The following ARL14EP variants were observed in gnomAD, a reference collection of about 807,000 sequenced individuals.
The protein encoded by ARL14EP is ARL14 effector protein.
In ARL14EP, 12 loss-of-function variants were observed where a neutral mutation model predicts 23.1. The observed-to-expected ratio is 0.52, with a 90% CI of 0.33 to 0.84. ARL14EP has a LOEUF of 0.84. ARL14EP is among the 40% of genes least tolerant of loss of function. ARL14EP has a pLI of 0.02. For missense variants in ARL14EP, 253 were observed against 307.3 expected (o/e 0.82, Z 1.32); for synonymous variants, 97 against 102.0 (o/e 0.95, Z 0.29).
chr11:30,327,836 C>T (rs1192937909), intron 1 of ARL14EP, among the ~76,000 whole-genome samples: 2 of 149,190 alleles, frequency 1.3e-5, no homozygotes, highest in Non-Finnish European at 1.5e-5. Context: ...TTTAGCCAGG[C>T]GTGGTGGCGG....
chr11:30,329,237 T>C (rs1947264185), intron 1 of ARL14EP: 1 of 151,344 alleles, frequency 6.6e-6, no homozygotes, highest in Admixed American at 6.6e-5. Context: ...TACAACTTTT[T>C]TCACTTAAGA....
chr11:30,336,639 T>C lies in ARL14EP; in HGVS notation c.627T>C (p.Cys209=). ...TGATTTTTAGTGGGATGGACCTCTG[T>C]GACTGCCTGGATGAAGACTGCTTAG... ...GLLIFSGMDL[C]DCLDEDCLGC... Residue 209 remains cysteine, a synonymous_variant, in exon 4 of 4, where the codon TGT becomes TGC. Coordinates refer to ENST00000282032, the MANE Select transcript of ARL14EP (RefSeq NM_152316.3). The C allele has an allele frequency of 1.2e-6, 2 of 1,614,178 alleles. No individual in the cohort carries two copies. The highest frequency in any genetic ancestry group is 1.7e-6 in the Non-Finnish European group (2 of 1,180,010).
Position 30,332,863 on chromosome 11 carries a change from C to A in ARL14EP, c.427-3C>A. 1 of 1,612,674 alleles carries A rather than the reference C, an allele frequency of 6.2e-7. No individual in the cohort carries two copies. Among genetic ancestry groups the A allele is most frequent in the Non-Finnish European group, 8.5e-7 (1 of 1,179,108 alleles). On this transcript the variant is annotated splice_region_variant and splice_polypyrimidine_tract_variant and intron_variant, in intron 2 of 3. Coordinates refer to ENST00000282032, the MANE Select transcript of ARL14EP (RefSeq NM_152316.3). Reference sequence around the variant, plus strand: ...AGTTGATAATTTGTTTACCTTTCTTCAGGGAAGAACTGCTAAAGCTTTGAG... The same window carrying A: ...AGTTGATAATTTGTTTACCTTTCTTAAGGGAAGAACTGCTAAAGCTTTGAG...
At chr11:30,335,776 ATG>A (rs10601449) in intron 3 of ARL14EP, among the ~76,000 whole-genome samples, 77,670 of 146,790 alleles carry the variant, frequency 0.53, 20,512 homozygotes, top group East Asian at 0.8. Flanking sequence ...ATATATATAT[ATG>A]TGTGTGTGTG....
At position 30,337,563 on chromosome 11, in the gene ARL14EP, G is replaced by A. The variant is rs1397145904; in HGVS notation, c.*768G>A. 9 of 151,944 alleles carry A rather than the reference G, an allele frequency of 5.9e-5. No individual in the cohort carries two copies. Among genetic ancestry groups the A allele is most frequent in the African/African-American group, 1.5e-4 (6 of 41,358 alleles). 9.4% of individuals were successfully genotyped at this position (151,944 alleles called of 1,614,324 possible). A position where few individuals can be genotyped will look rare whatever the true frequency, so the allele number is the denominator to read the frequency against. On this transcript the variant is annotated 3_prime_UTR_variant, in exon 4 of 4. Coordinates refer to ENST00000282032, the MANE Select transcript of ARL14EP (RefSeq NM_152316.3). ...TGTGTATTCATAGGAGCTTAGTGAA[G>A]GCAAACTTACCAACACAAATAAGCA... is the stretch of plus-strand genomic sequence containing the variant.
intron 3 of ARL14EP, among the ~76,000 whole-genome samples, chr11:30,333,311 A>G (rs941840737): frequency 2.6e-5 from 4 of 152,100 alleles, no homozygotes; most frequent in African/African-American, 7.2e-5. Context: ...ACCTCATTTT[A>G]TTGGTGCTTC....
chr11:30,327,298 A>G (rs12798948), intron 1 of ARL14EP, among the ~76,000 whole-genome samples: 1 of 152,196 alleles, frequency 6.6e-6, no homozygotes, highest in African/African-American at 2.4e-5. Flanking sequence ...AGCCATGAAT[A>G]AAGGAAACTA....
chr11:30,329,756 C>G (rs1947267587), intron 1 of ARL14EP: 1 of 151,992 alleles, frequency 6.6e-6, no homozygotes, highest in Admixed American at 6.6e-5. Context: ...GTTTAGTTTT[C>G]CAGTGGACTC....
rs1447280854 is a variant in ARL14EP at position 30,336,656 on chromosome 11, A to G, written c.644A>G (p.Asp215Gly). ...GACCTCTGTGACTGCCTGGATGAAG[A>G]CTGCTTAGGATGTTTCTATGCTTGT... ...GMDLCDCLDEDCLGCFYACPA... is the reference protein window; with the variant it reads ...GMDLCDCLDEGCLGCFYACPA... The change falls in exon 4 of 4, where the codon GAC becomes GGC. Residue 215 changes from aspartate to glycine, a missense_variant. Asp to Gly is a moderately conservative substitution (Grantham distance 94, BLOSUM62 -1). Transcript: ENST00000282032. 6.2e-7 allele frequency: 1 copy of G among 1,614,112 alleles called. No individual in the cohort carries two copies. Among genetic ancestry groups the G allele is most frequent in the South Asian group, 1.1e-5 (1 of 91,076 alleles).
At position 30,334,208 on chromosome 11, in the gene ARL14EP, C is replaced by CTTTTTTTTTTT. The variant is rs36111177; in HGVS notation, c.554+1230_554+1240dup. Among the ~76,000 whole-genome samples, 476 of 86,000 alleles carry CTTTTTTTTTTT rather than the reference C, an allele frequency of 5.5e-3. 22 individuals carry two copies. The highest frequency in any genetic ancestry group is 6.7e-3 in the Non-Finnish European group (320 of 47,992). The allele number at this position is 86,000 out of a possible 152,430, so 56.4% of individuals were successfully genotyped here. A position where few individuals can be genotyped will look rare whatever the true frequency, so the allele number is the denominator to read the frequency against. ...CAGATTTTCAATGTAGACCAGCCTTCTTTTTTTTTTTTTTTTTTTTTTTTT... is the reference window on the plus strand; with the variant it reads ...CAGATTTTCAATGTAGACCAGCCTTCTTTTTTTTTTTTTTTTTTTTTTTTTTTTTTTTTTTT... On this transcript the variant is annotated intron_variant, in intron 3 of 3. Coordinates refer to ENST00000282032, the MANE Select transcript of ARL14EP (RefSeq NM_152316.3).
At chr11:30,332,395 T>A (rs1028736976) in intron 2 of ARL14EP, among the ~76,000 whole-genome samples, 2 of 151,910 alleles carry the variant, frequency 1.3e-5, no homozygotes, top group Non-Finnish European at 2.9e-5. Flanking sequence ...CATAAACCCT[T>A]AAACACCGAA....
chr11:30,324,986 A>G (rs1947226331), intron 1 of ARL14EP, among the ~76,000 whole-genome samples: 1 of 152,248 alleles, frequency 6.6e-6, no homozygotes, highest in Admixed American at 6.5e-5. Flanking sequence ...TCCTATGCAG[A>G]ATTTTTAAAA....
At chr11:30,336,476 AT>A (rs1947332778) in intron 3 of ARL14EP, 90 bp from the exon 4 acceptor site, 1 of 1,205,066 alleles carries the variant, frequency 8.3e-7, no homozygotes, top group Non-Finnish European at 1.2e-6. Flanking sequence ...ATCTAAAAAT[AT>A]TTTATCTCCT....
intron 3 of ARL14EP, among the ~76,000 whole-genome samples, chr11:30,333,519 T>C (rs967457951): frequency 2.0e-5 from 3 of 152,180 alleles, no homozygotes; most frequent in Non-Finnish European, 4.4e-5. Flanking sequence ...CTATTATAAT[T>C]ATTTTGAGTC....
At chr11:30,336,041 G>C (rs1159289351) in intron 3 of ARL14EP, among the ~76,000 whole-genome samples, 2 of 151,992 alleles carry the variant, frequency 1.3e-5, no homozygotes, top group Admixed American at 6.6e-5. Context: ...TAATCATTCA[G>C]AATTTTTTTT....
chr11:30,332,906 A>G lies in ARL14EP; in HGVS notation c.467A>G (p.Asn156Ser). Residue 156 changes from asparagine to serine, a missense_variant, in exon 3 of 4, where the codon AAT (asparagine) becomes AGT (serine). Physicochemically the swap from Asn to Ser is conservative, Grantham distance 46. Transcript: ENST00000282032. ...AKALRSLQFT[N>S]PGRQTEFAPE... ...GCTTTGAGGTCATTACAATTTACGA[A>G]TCCAGGAAGGCAAACTGAATTTGCT... 1.2e-6 allele frequency: 2 copies of G among 1,613,684 alleles called. No homozygotes were observed. The highest frequency in any genetic ancestry group is 1.7e-6 in the Non-Finnish European group (2 of 1,179,702).
rs538372822 is a variant in ARL14EP at position 30,326,317 on chromosome 11, A to G, written c.-64+3115A>G. On this transcript the variant is annotated intron_variant, in intron 1 of 3. Transcript: ENST00000282032. Reference sequence around the variant, plus strand: ...GCTGATACTGAGATTCTGTATTTCTACTGAGGTCTCAGCTGATGCCAGTGC... The same window carrying G: ...GCTGATACTGAGATTCTGTATTTCTGCTGAGGTCTCAGCTGATGCCAGTGC... Among the ~76,000 whole-genome samples, 10 of 152,298 alleles carry G rather than the reference A, an allele frequency of 6.6e-5. No homozygotes were observed. In the South Asian group the frequency reaches 1.7e-3, roughly 25 times the overall value.
At chr11:30,333,043 A>G in intron 3 of ARL14EP, 50 bp downstream of exon 3, 1 of 1,604,338 alleles carries the variant, frequency 6.2e-7, no homozygotes, top group East Asian at 2.2e-5. Context: ...TCACATCTGC[A>G]TTGTTCCCCT....
At chr11:30,336,394 G>A (rs866534422) in intron 3 of ARL14EP, among the ~76,000 whole-genome samples, 173 bp from the exon 4 acceptor site, 1 of 151,950 alleles carries the variant, frequency 6.6e-6, no homozygotes. Flanking sequence ...CTTCTCACAT[G>A]GAGTTCATTT....
Sources: allele counts gnomAD v4.1 joint callset (sites outside exome capture counted in the v4.1 genomes callset), GRCh38; gene constraint gnomAD v4.1.1; transcripts MANE v1.5; gene names NCBI Gene and HGNC (gene_info 2026-07-23, HGNC 2026-07-21).